Variants in RASEF observed in about 807,000 individuals in gnomAD.
The protein encoded by RASEF is ras and EF-hand domain-containing protein.
In RASEF, 68 loss-of-function variants were observed where a neutral mutation model predicts 90.1. That is an observed-to-expected ratio of 0.75 (90% CI 0.62 to 0.92). RASEF has a LOEUF of 0.92. RASEF is among the 40% of genes least tolerant of loss of function. RASEF has a pLI of 0.00. For synonymous variants in RASEF, 331 were observed against 345.2 expected (o/e 0.96, Z 0.46); for missense variants, 949 against 937.2 (o/e 1.01, Z -0.16).
Position 83,062,722 on chromosome 9 carries a change from G to A in RASEF, c.146C>T (p.Ala49Val). ...GTCGGCGTCCAGCCGCTGGAATACT[G>A]CCTCGGCGTCGGCCGGCCGCACCCG... ...ELRVRPADAE[A>V]VFQRLDADRD... Residue 49 changes from alanine to valine, a missense_variant, in exon 1 of 17, where the codon GCA becomes GTA. Physicochemically the swap from Ala to Val is moderately conservative, Grantham distance 64 (BLOSUM62 0). Coordinates refer to ENST00000376447, the MANE Select transcript of RASEF (RefSeq NM_152573.4). 6.3e-7 allele frequency: 1 copy of A among 1,576,706 alleles called. No individual in the cohort carries two copies. The highest frequency in any genetic ancestry group is 8.5e-7 in the Non-Finnish European group (1 of 1,170,042).
At chr9:83,113,004 A>T in the RASEF span, among the ~76,000 whole-genome samples, 11 of 152,202 alleles carry the variant, frequency 7.2e-5, no homozygotes, top group African/African-American at 2.7e-4. Context: ...TGTATTTAAA[A>T]TTTCTATTGT....
At chr9:83,086,495 A>C in the RASEF span, among the ~76,000 whole-genome samples, 2 of 152,138 alleles carry the variant, frequency 1.3e-5, no homozygotes, top group Non-Finnish European at 2.9e-5. Flanking sequence ...ACAGCTTAAA[A>C]CCATAACTAT....
the RASEF span, among the ~76,000 whole-genome samples, chr9:83,188,944 T>A: frequency 6.6e-6 from 1 of 152,176 alleles, no homozygotes; most frequent in African/African-American, 2.4e-5. Flanking sequence ...CACAGTTCTG[T>A]GGCTCCCTGT....
At chr9:83,145,830 G>A in the RASEF span, among the ~76,000 whole-genome samples, 2 of 152,090 alleles carry the variant, frequency 1.3e-5, no homozygotes, top group South Asian at 4.2e-4. Context: ...TCACAAATTT[G>A]GGTCTGGATT....
chr9:83,020,996 T>C (rs1018146696), intron 3 of RASEF, among the ~76,000 whole-genome samples: 2 of 152,170 alleles, frequency 1.3e-5, no homozygotes, highest in Non-Finnish European at 2.9e-5. Context: ...GAAAATGACG[T>C]CCAGCTTCTT....
the RASEF span, among the ~76,000 whole-genome samples, chr9:83,130,486 C>T: frequency 6.7e-6 from 1 of 150,208 alleles, no homozygotes; most frequent in African/African-American, 2.5e-5. Context: ...TGGGTTTGGA[C>T]AAATCTTGTG....
At chr9:83,113,011 T>C in the RASEF span, among the ~76,000 whole-genome samples, 12 of 152,304 alleles carry the variant, frequency 7.9e-5, no homozygotes, top group Non-Finnish European at 1.5e-5. Context: ...AAAATTTCTA[T>C]TGTTTTAAAA....
At chr9:83,004,825 T>C (rs1829099880) in intron 8 of RASEF, among the ~76,000 whole-genome samples, 2 of 152,182 alleles carry the variant, frequency 1.3e-5, no homozygotes, top group Admixed American at 6.5e-5. Flanking sequence ...GTCCAAACCC[T>C]ACTGCATATT....
In RASEF at chr9:82,998,418, A is replaced by C. The variant is rs771496936; in HGVS notation, c.1752T>G (p.Ile584Met). 16 of 1,612,606 alleles carry C rather than the reference A, an allele frequency of 9.9e-6. No individual in the cohort carries two copies. The highest frequency in any genetic ancestry group is 1.2e-5 in the Non-Finnish European group (14 of 1,178,770). ...GCAGAACTGTTCGTTCTCCATCCAC[A>C]ATGAGGGTTTTCATTTGGAAATCAA... is the stretch of plus-strand genomic sequence containing the variant. ...LGVDFQMKTLIVDGERTVLQL... is the reference protein window; with the variant it reads ...LGVDFQMKTLMVDGERTVLQL... Residue 584 changes from isoleucine (I) to methionine (M), a missense_variant, in exon 13 of 17, where the codon ATT becomes ATG. Ile to Met is a conservative substitution (Grantham distance 10). Around this residue, in one of 3 missense-constraint regions of RASEF, gnomAD observed 288 missense variants for 328.4 expected, o/e 0.88. Coordinates refer to ENST00000376447, the MANE Select transcript of RASEF (RefSeq NM_152573.4).
the RASEF span, among the ~76,000 whole-genome samples, chr9:83,191,042 C>G: frequency 6.6e-6 from 1 of 152,158 alleles, no homozygotes; most frequent in Non-Finnish European, 1.5e-5. Flanking sequence ...TAGAGACATT[C>G]TTACAAAGGA....
the RASEF span, among the ~76,000 whole-genome samples, chr9:83,120,449 AG>A: frequency 6.6e-6 from 1 of 152,200 alleles, no homozygotes; most frequent in African/African-American, 2.4e-5. Flanking sequence ...GAATTTGCCT[AG>A]CCCTAGAATT....
At chr9:83,098,300 T>C in the RASEF span, among the ~76,000 whole-genome samples, 1 of 152,060 alleles carries the variant, frequency 6.6e-6, no homozygotes, top group Non-Finnish European at 1.5e-5. Flanking sequence ...ATAAAATGAG[T>C]TATAAAACAC....
the RASEF span, among the ~76,000 whole-genome samples, chr9:83,085,334 T>C: frequency 6.6e-6 from 1 of 152,162 alleles, no homozygotes; most frequent in Non-Finnish European, 1.5e-5. Flanking sequence ...ATTCAAGCAT[T>C]ATAAAAAAGA....
At chr9:83,102,379 C>T in the RASEF span, among the ~76,000 whole-genome samples, 1 of 152,154 alleles carries the variant, frequency 6.6e-6, no homozygotes, top group Non-Finnish European at 1.5e-5. Context: ...AACAAAAAGG[C>T]AAAACCTCAT....
chr9:83,016,321 T>G (rs1023789972), intron 3 of RASEF, among the ~76,000 whole-genome samples: 5 of 152,024 alleles, frequency 3.3e-5, no homozygotes, highest in Non-Finnish European at 5.9e-5. Flanking sequence ...TGATGTCTTA[T>G]CTAAATCCCA....
the RASEF span, among the ~76,000 whole-genome samples, chr9:83,218,220 A>T: frequency 6.6e-6 from 1 of 152,210 alleles, no homozygotes; most frequent in Admixed American, 6.5e-5. Flanking sequence ...CCAAGTGTGC[A>T]CGTGGAAGCC....
At chr9:83,201,397 G>A in the RASEF span, among the ~76,000 whole-genome samples, 3 of 152,216 alleles carry the variant, frequency 2.0e-5, no homozygotes, top group Non-Finnish European at 4.4e-5. Context: ...CTTGGACGTA[G>A]AGGATGCCAG....
the RASEF span, among the ~76,000 whole-genome samples, chr9:83,215,055 G>A: frequency 2.0e-5 from 3 of 151,598 alleles, no homozygotes; most frequent in African/African-American, 7.3e-5. Context: ...AAATGATGTG[G>A]CAGAGAAAGA....
chr9:83,166,899 G>A, the RASEF span, among the ~76,000 whole-genome samples: 1 of 152,142 alleles, frequency 6.6e-6, no homozygotes, highest in African/African-American at 2.4e-5. Context: ...TTGTTTTACA[G>A]TGGAAACTGA....
Sources: allele counts gnomAD v4.1 joint callset (sites outside exome capture counted in the v4.1 genomes callset), GRCh38; gene constraint gnomAD v4.1.1; regional missense constraint gnomAD v4.1.1; transcripts MANE v1.5; gene names NCBI Gene and HGNC (gene_info 2026-07-23, HGNC 2026-07-21).